The following GRIP1 variants were observed in gnomAD, a reference collection of about 807,000 sequenced individuals.
GRIP1 encodes glutamate receptor interacting protein 1, also known as glutamate receptor-interacting protein 1.
In GRIP1, 45 loss-of-function variants were observed where a neutral mutation model predicts 129.9. The ratio of observed to expected loss-of-function variants is 0.35; its 90% confidence interval spans 0.27 to 0.44. GRIP1 has a LOEUF of 0.44. Among genes scored for constraint, GRIP1 ranks in the 20% least tolerant of loss-of-function variants. GRIP1 has a pLI of 1.00. For missense variants in GRIP1, 1,196 were observed against 1,396.8 expected (o/e 0.86, Z 2.29); for synonymous variants, 530 against 520.8 (o/e 1.02, Z -0.24).
intron 2 of GRIP1, chr12:66,568,959 T>C (rs577764318): frequency 3.9e-6 from 2 of 518,536 alleles, no homozygotes; most frequent in African/African-American, 1.9e-5. Context: ...AGGGACTAGG[T>C]TGATACACTG....
intron 1 of GRIP1, among the ~76,000 whole-genome samples, chr12:67,039,115 A>G (rs2043140411): frequency 6.6e-6 from 1 of 152,212 alleles, no homozygotes; most frequent in South Asian, 2.1e-4. Flanking sequence ...AATCTAAGTT[A>G]TAAATAAACT....
At chr12:66,477,315 T>C (rs1453531262) in intron 7 of GRIP1, among the ~76,000 whole-genome samples, 1 of 151,780 alleles carries the variant, frequency 6.6e-6, no homozygotes, top group Admixed American at 6.6e-5. Flanking sequence ...GGAATCCAAC[T>C]TACAAGGGAT....
chr12:66,486,016 CT>C (rs1380722317), intron 7 of GRIP1, among the ~76,000 whole-genome samples: 3 of 151,976 alleles, frequency 2.0e-5, no homozygotes, highest in Admixed American at 6.6e-5. Flanking sequence ...ATTACTTCAG[CT>C]TTTTAATAGA....
intron 1 of GRIP1, among the ~76,000 whole-genome samples, chr12:66,620,199 G>A (rs968054580): frequency 3.3e-5 from 5 of 152,122 alleles, no homozygotes; most frequent in African/African-American, 4.8e-5. Flanking sequence ...TGCAAGTAAC[G>A]GTACCCTGGC....
chr12:66,526,690 A>T (rs145319480), intron 5 of GRIP1, among the ~76,000 whole-genome samples: 63,421 of 149,522 alleles, frequency 0.42, 13,796 homozygotes, highest in African/African-American at 0.54. Context: ...GGATCTAATT[A>T]AACTAAAGAG....
chr12:66,744,745 G>C (rs1049718831), intron 1 of GRIP1, among the ~76,000 whole-genome samples: 1 of 151,994 alleles, frequency 6.6e-6, no homozygotes, highest in African/African-American at 2.4e-5. Context: ...ACCCAGTGCC[G>C]CCCAGCCTTT....
rs113248892 is a variant in GRIP1 at position 66,839,478 on chromosome 12, C to T, written c.58+229572G>A. Among the ~76,000 whole-genome samples the T allele has an allele frequency of 6.0e-3, 910 of 152,214 alleles. 5 individuals carry two copies. Among genetic ancestry groups the T allele is most frequent in the Non-Finnish European group, 9.6e-3 (655 of 68,012 alleles). ...GTGAGTTTATTTTATAATTTGCATACACACACTAATGCCTCAGTCTATGCA... is the reference window on the plus strand; with the variant it reads ...GTGAGTTTATTTTATAATTTGCATATACACACTAATGCCTCAGTCTATGCA... On this transcript the variant is annotated intron_variant, in intron 1 of 1. Coordinates refer to the GRIP1 transcript ENST00000643019.
chr12:66,450,285 C>G (rs1160911086), intron 11 of GRIP1, among the ~76,000 whole-genome samples: 2 of 104,556 alleles, frequency 1.9e-5, no homozygotes, highest in African/African-American at 7.7e-5. Flanking sequence ...GCCTGGGTGA[C>G]AGAGTGAGAC....
Position 66,696,845 on chromosome 12 carries a change from T to C in GRIP1, c.-419-66509A>G, listed in dbSNP as rs146583770. 8.1e-4 allele frequency among the ~76,000 whole-genome samples: 121 copies of C among 149,870 alleles called. No homozygotes were observed. The East Asian group carries it at 8.9e-3, about 11-fold the overall frequency. ...AAAAAAAAAAAAAGAATTACTGTTA[T>C]AGATTTTGTGATCCAAGAGGGATGT... On this transcript the variant is annotated intron_variant, in intron 1 of 4. Coordinates refer to the GRIP1 transcript ENST00000538373.
At chr12:66,790,276 C>T (rs1185820092) in intron 1 of GRIP1, among the ~76,000 whole-genome samples, 1 of 152,126 alleles carries the variant, frequency 6.6e-6, no homozygotes, top group African/African-American at 2.4e-5. Context: ...TCAAGTTGCC[C>T]ACTTTGCTTT....
At chr12:66,464,518 A>AATCAG (rs1430707693) in intron 8 of GRIP1, among the ~76,000 whole-genome samples, 1 of 152,214 alleles carries the variant, frequency 6.6e-6, no homozygotes, top group Non-Finnish European at 1.5e-5. Context: ...GAAACAAAGA[A>AATCAG]ATCAGATTTT....
At chr12:66,484,892 C>G (rs1732188204) in intron 7 of GRIP1, among the ~76,000 whole-genome samples, 1 of 152,154 alleles carries the variant, frequency 6.6e-6, no homozygotes, top group Admixed American at 6.5e-5. Flanking sequence ...CCCTATTACT[C>G]TGAGTTGATC....
At chr12:66,579,466 A>G (rs1244284178) in intron 2 of GRIP1, among the ~76,000 whole-genome samples, 3 of 152,206 alleles carry the variant, frequency 2.0e-5, no homozygotes, top group Non-Finnish European at 4.4e-5. Flanking sequence ...TACGAGCTAC[A>G]GGAGGAAATT....
chr12:66,592,651 A>C (rs2063888970), intron 2 of GRIP1, among the ~76,000 whole-genome samples: 1 of 152,232 alleles, frequency 6.6e-6, no homozygotes, highest in African/African-American at 2.4e-5. Flanking sequence ...TAAGTAATAT[A>C]CTAACTCTAG....
At chr12:66,661,394 C>G (rs979402858) in intron 1 of GRIP1, among the ~76,000 whole-genome samples, 1 of 136,094 alleles carries the variant, frequency 7.3e-6, no homozygotes, top group South Asian at 2.4e-4. Flanking sequence ...TTACTTCCAT[C>G]AAACAACAAA....
At chr12:66,633,122 C>T (rs564109993) in intron 1 of GRIP1, among the ~76,000 whole-genome samples, 1 of 151,716 alleles carries the variant, frequency 6.6e-6, no homozygotes, top group South Asian at 2.1e-4. Context: ...AAGTGATCCT[C>T]CCACTTCAGC....
intron 7 of GRIP1, among the ~76,000 whole-genome samples, chr12:66,507,505 G>T (rs2060566825): frequency 6.6e-6 from 1 of 151,504 alleles, no homozygotes; most frequent in Non-Finnish European, 1.5e-5. Flanking sequence ...GCGACTGGTA[G>T]AAGTTTTATA....
intron 1 of GRIP1, among the ~76,000 whole-genome samples, chr12:66,773,348 C>T (rs1372409912): frequency 2.0e-5 from 3 of 152,144 alleles, no homozygotes; most frequent in Admixed American, 6.5e-5. Context: ...TGGGTATATA[C>T]CCAGTAATGG....
chr12:66,864,818 C>T (rs1592913299), intron 1 of GRIP1, among the ~76,000 whole-genome samples: 2 of 152,236 alleles, frequency 1.3e-5, no homozygotes, highest in South Asian at 2.1e-4. Context: ...GCCTCAAAGG[C>T]TTTTGTAGTT....
Sources: allele counts gnomAD v4.1 joint callset (sites outside exome capture counted in the v4.1 genomes callset), GRCh38; gene constraint gnomAD v4.1.1; transcripts MANE v1.5; gene names NCBI Gene and HGNC (gene_info 2026-07-23, HGNC 2026-07-21).